The following RASAL1 variants were observed in gnomAD, a reference collection of about 807,000 sequenced individuals.
RASAL1 encodes the protein rasGAP-activating-like protein 1.
A neutral mutation model predicts 96.6 loss-of-function variants in RASAL1; 72 were observed. That is an observed-to-expected ratio of 0.75 (90% CI 0.62 to 0.91). The LOEUF (loss-of-function observed/expected upper bound fraction) is 0.91, where lower values mean the gene tolerates loss of function less well. Ranked by LOEUF, RASAL1 falls within the 40% of genes least tolerant of loss-of-function variation. The pLI is 0.00. For synonymous variants in RASAL1, 405 were observed against 430.4 expected (o/e 0.94, Z 0.73); for missense variants, 1,016 against 1,072.5 (o/e 0.95, Z 0.74).
chr12:113,130,651 C>T lies in RASAL1; in HGVS notation c.122+234G>A, dbSNP rs1951669232. ...CACTGTAGGAGGCACAGGCTGGCAG[C>T]GCTGAGTCAGCCCCAGGGAGCCAGC... On this transcript the variant is annotated intron_variant, in intron 2 of 20. Coordinates refer to ENST00000548055, the MANE Select transcript of RASAL1 (RefSeq NM_001301202.2). The surrounding 1 kb of genome is among the most constrained non-coding windows in gnomAD (Gnocchi z 5.1). Among the ~76,000 whole-genome samples, 1 of 152,136 alleles carries T rather than the reference C, an allele frequency of 6.6e-6. No homozygotes were observed. Among genetic ancestry groups the T allele is most frequent in the Non-Finnish European group, 1.5e-5 (1 of 68,020 alleles).
chr12:113,109,039 G>T (rs1308095638), intron 13 of RASAL1, among the ~76,000 whole-genome samples: 1,860 of 48,858 alleles, frequency 0.038, 16 homozygotes, highest in South Asian at 0.11. Context: ...GTTTTTTTGT[G>T]TGTGTTTTTT....
At chr12:113,109,404 C>T (rs1950780336) in intron 13 of RASAL1, among the ~76,000 whole-genome samples, 1 of 152,136 alleles carries the variant, frequency 6.6e-6, no homozygotes, top group South Asian at 2.1e-4. Context: ...CCTGTGTGCA[C>T]CTCCCCACCT....
chr12:113,119,529 T>G, intron 5 of RASAL1, 86 bp from the exon 6 acceptor site: 1 of 1,297,958 alleles, frequency 7.7e-7, no homozygotes, highest in East Asian at 2.5e-5. Context: ...CATTCCAATG[T>G]CGCTGGTTTC....
At chr12:113,128,512 C>G (rs73207098) in intron 2 of RASAL1, among the ~76,000 whole-genome samples, 7,701 of 151,484 alleles carry the variant, frequency 0.051, 239 homozygotes, top group Middle Eastern at 0.076. Context: ...CACACACACA[C>G]AGAGGCACAT....
intron 8 of RASAL1, 113 bp from the exon 9 acceptor site, chr12:113,116,164 G>C (rs897618875): frequency 1.2e-4 from 95 of 777,132 alleles, no homozygotes; most frequent in Non-Finnish European, 2.2e-5. Flanking sequence ...GAGGTCAGCA[G>C]TTTGTGACCA....
Position 113,107,101 on chromosome 12 carries a change from A to G in RASAL1, c.1653T>C (p.Asp551=), listed in dbSNP as rs1950674291. Residue 551 remains aspartate (D), a synonymous_variant, in exon 15 of 21, where the codon GAT becomes GAC. Coordinates refer to ENST00000548055, the MANE Select transcript of RASAL1 (RefSeq NM_001301202.2). The stretch of plus-strand genomic sequence containing the variant: ...GGCCGGACCACAGGAACTCACCTTC[A>G]TCCCCATCCACATCCACCAGCCGGT... ...FLDRLVDVDG[D]EEAGVPARAL... is the part of the protein sequence containing the mutation. 3 of 1,611,470 alleles carry G rather than the reference A, an allele frequency of 1.9e-6. No individual in the cohort carries two copies. Among genetic ancestry groups the G allele is most frequent in the Non-Finnish European group, 2.5e-6 (3 of 1,178,572 alleles).
Position 113,132,441 on chromosome 12 carries a change from G to C in RASAL1, c.66-1500C>G, listed in dbSNP as rs1479072195. On this transcript the variant is annotated intron_variant, in intron 1 of 20. Coordinates refer to ENST00000548055, the MANE Select transcript of RASAL1 (RefSeq NM_001301202.2). ...TTCTGAATGACTGGGTTTATGGAGTGCTCTCTCTGGAGCACGGAGTAACAG... is the reference window on the plus strand; with the variant it reads ...TTCTGAATGACTGGGTTTATGGAGTCCTCTCTCTGGAGCACGGAGTAACAG... Among the ~76,000 whole-genome samples, 3 of 152,130 alleles carry C rather than the reference G, an allele frequency of 2.0e-5. No individual in the cohort carries two copies. The East Asian group carries it at 5.8e-4, about 29-fold the overall frequency.
In RASAL1 at chr12:113,115,867, G is replaced by A; in HGVS notation, c.849+67C>T. 6.3e-7 allele frequency: 1 copy of A among 1,586,758 alleles called. No homozygotes were observed. The highest frequency in any genetic ancestry group is 8.6e-7 in the Non-Finnish European group (1 of 1,163,180). On this transcript the variant is annotated intron_variant, in intron 9 of 20. Transcript: ENST00000548055. This position sits in a 1 kb window ranked among gnomAD's most constrained non-coding sequence, Gnocchi z 4.1. ...ATGGGCCTAGATAGGGCTCCGTGAG[G>A]CAGGGGGAGGCCAGGATCCAGACCC...
chr12:113,121,067 T>G (rs1293810), intron 5 of RASAL1, among the ~76,000 whole-genome samples: 141,563 of 152,282 alleles, frequency 0.93, 65,919 homozygotes, highest in Admixed American at 0.95. Flanking sequence ...CTGGGGAGAG[T>G]CTGCCTAAGA....
At chr12:113,132,618 C>T (rs1951765877) in intron 1 of RASAL1, among the ~76,000 whole-genome samples, 1 of 152,166 alleles carries the variant, frequency 6.6e-6, no homozygotes, top group African/African-American at 2.4e-5. Context: ...TGTATAGATC[C>T]ACAAATGCCT....
chr12:113,120,166 G>A (rs1566060452), intron 5 of RASAL1, among the ~76,000 whole-genome samples: 1 of 152,144 alleles, frequency 6.6e-6, no homozygotes, highest in Non-Finnish European at 1.5e-5. Flanking sequence ...CCCCACACCA[G>A]GGGCTGCTTC....
intron 4 of RASAL1, among the ~76,000 whole-genome samples, chr12:113,126,333 G>A: frequency 6.6e-6 from 1 of 151,976 alleles, no homozygotes; most frequent in East Asian, 1.9e-4. Context: ...GCAAGATACA[G>A]AGCAGAGTGT....
rs1350271619 is a variant in RASAL1 at position 113,129,343 on chromosome 12, T to C, written c.123-1165A>G. Among the ~76,000 whole-genome samples, 1 of 152,154 alleles carries C rather than the reference T, an allele frequency of 6.6e-6. No individual in the cohort carries two copies. The highest frequency in any genetic ancestry group is 2.4e-5 in the African/African-American group (1 of 41,420). ...GCTGGAACAGCATGGGCAAAGGCCC[T>C]GTAGCAGGAATGAGTTTCGTGAGCT... is the stretch of plus-strand genomic sequence containing the variant. On this transcript the variant is annotated intron_variant, in intron 2 of 20. Transcript: ENST00000548055. This position sits in a 1 kb window ranked among gnomAD's most constrained non-coding sequence, Gnocchi z 5.0.
intron 7 of RASAL1, among the ~76,000 whole-genome samples, 200 bp from the exon 8 acceptor site, chr12:113,117,361 C>T (rs1019563538): frequency 6.6e-6 from 1 of 152,196 alleles, no homozygotes; most frequent in Non-Finnish European, 1.5e-5. Flanking sequence ...GAGGGCCTAC[C>T]AGGGACACTT....
Position 113,130,847 on chromosome 12 carries a change from C to T in RASAL1, c.122+38G>A, listed in dbSNP as rs764871271. On this transcript the variant is annotated intron_variant, in intron 2 of 20. Coordinates refer to ENST00000548055, the MANE Select transcript of RASAL1 (RefSeq NM_001301202.2). The surrounding 1 kb of genome is among the most constrained non-coding windows in gnomAD (Gnocchi z 5.1). The stretch of plus-strand genomic sequence containing the variant: ...GATTCCCCAGGTCTAGAAAGAGACC[C>T]CTCCCTTCCTCCTCTCCCCCGTGTC... 34 of 1,564,652 alleles carry T rather than the reference C, an allele frequency of 2.2e-5. No homozygotes were observed. The highest frequency in any genetic ancestry group is 8.6e-5 in the Admixed American group (5 of 58,264).
chr12:113,127,870 G>A lies in RASAL1; in HGVS notation c.240C>T (p.His80=), dbSNP rs114458989. 2,337 of 1,613,198 alleles carry A rather than the reference G, an allele frequency of 1.4e-3. 35 individuals are homozygous for A. The African/African-American group carries it at 0.026, about 18-fold the overall frequency. Residue 80 remains histidine, a synonymous_variant, in exon 4 of 21, where the codon CAC becomes CAT. Coordinates refer to ENST00000548055, the MANE Select transcript of RASAL1 (RefSeq NM_001301202.2). ...FYVLDEDTVG[H]DDIIGKISLS... ...GCGAGATCTTGCCGATGATGTCGTC[G>A]TGCCTGCAGGAAGGCGGGCACGTGA...
At chr12:113,122,429 T>G (rs1459728616) in intron 4 of RASAL1, among the ~76,000 whole-genome samples, 1 of 152,194 alleles carries the variant, frequency 6.6e-6, no homozygotes, top group Non-Finnish European at 1.5e-5. Flanking sequence ...GCTTAAGCGA[T>G]CCTCCTGCCT....
At chr12:113,116,368 A>AC (rs1219171809) in intron 8 of RASAL1, among the ~76,000 whole-genome samples, 1 of 152,128 alleles carries the variant, frequency 6.6e-6, no homozygotes, top group East Asian at 1.9e-4. Flanking sequence ...TAAAAAAAAA[A>AC]AGAAAGAAGG....
At position 113,121,580 on chromosome 12, in the gene RASAL1, C is replaced by G. The variant is rs1343029942; in HGVS notation, c.357G>C (p.Glu119Asp). The G allele has an allele frequency of 6.2e-7, 1 of 1,614,230 alleles. No individual in the cohort carries two copies. Among genetic ancestry groups the G allele is most frequent in the Admixed American group, 1.7e-5 (1 of 60,034 alleles). Reference sequence around the variant, plus strand: ...CCAGCATCTGCACTGACAGGCAGATCTCACCCTGCACTTCTGCATCTGGGT... The same window carrying G: ...CCAGCATCTGCACTGACAGGCAGATGTCACCCTGCACTTCTGCATCTGGGT... ...RVDPDAEVQGEICLSVQMLED... is the reference protein window; with the variant it reads ...RVDPDAEVQGDICLSVQMLED... The change falls in exon 5 of 21, where the codon GAG becomes GAC. Residue 119 changes from glutamate to aspartate, a missense_variant. Transcript: ENST00000548055.
Sources: allele counts gnomAD v4.1 joint callset (sites outside exome capture counted in the v4.1 genomes callset), GRCh38; gene constraint gnomAD v4.1.1; non-coding constraint Gnocchi (gnomAD v3.1); transcripts MANE v1.5; gene names NCBI Gene and HGNC (gene_info 2026-07-23, HGNC 2026-07-21).